NKAIN2: variants seen among roughly 807,000 people sequenced by gnomAD.
NKAIN2 encodes the protein sodium/potassium-transporting ATPase subunit beta-1-interacting protein 2.
A neutral mutation model predicts 32.6 loss-of-function variants in NKAIN2; 14 were observed. The ratio of observed to expected loss-of-function variants is 0.43; its 90% confidence interval spans 0.28 to 0.67. NKAIN2 has a LOEUF of 0.67. Ranked by LOEUF, NKAIN2 falls within the 30% of genes least tolerant of loss-of-function variation. The pLI is 0.17. For synonymous variants in NKAIN2, 80 were observed against 87.2 expected (o/e 0.92, Z 0.46); for missense variants, 198 against 258.3 (o/e 0.77, Z 1.60).
chr6:124,285,420 T>TC (rs1332712177), intron 2 of NKAIN2, among the ~76,000 whole-genome samples: 1 of 152,146 alleles, frequency 6.6e-6, no homozygotes, highest in African/African-American at 2.4e-5. Flanking sequence ...TAGGCATATT[T>TC]TCTATCTTTC....
chr6:124,091,182 A>C (rs1170366414), intron 1 of NKAIN2, among the ~76,000 whole-genome samples: 1 of 151,994 alleles, frequency 6.6e-6, no homozygotes. Context: ...AAAGCATTGT[A>C]AGATCTAAGG....
At chr6:124,043,218 A>G (rs1781957261) in intron 1 of NKAIN2, among the ~76,000 whole-genome samples, 1 of 151,964 alleles carries the variant, frequency 6.6e-6, no homozygotes, top group Admixed American at 6.6e-5. Context: ...TTAGCTAGGC[A>G]TGGTGGCGGG....
rs545336884 is a variant in NKAIN2 at position 124,779,409 on chromosome 6, A to C, written c.475-11930A>C. On this transcript the variant is annotated intron_variant, in intron 4 of 6. Coordinates refer to ENST00000368417, the MANE Select transcript of NKAIN2 (RefSeq NM_001040214.3). ...TCCTCCTGTCACTATTTAATCATGA[A>C]ATCCTAAAGCAAAATTATTTAAATG... Among the ~76,000 whole-genome samples, 5 of 152,214 alleles carry C rather than the reference A, an allele frequency of 3.3e-5. No homozygotes were observed. In the South Asian group the frequency reaches 6.2e-4, roughly 19 times the overall value.
chr6:124,237,194 T>A (rs1792818390), intron 1 of NKAIN2, among the ~76,000 whole-genome samples: 1 of 152,130 alleles, frequency 6.6e-6, no homozygotes, highest in African/African-American at 2.4e-5. Flanking sequence ...TCTAGTAGAA[T>A]CAGCAGGTGA....
chr6:124,066,856 CTGCGTTTGTGTG>C (rs1279551266), intron 1 of NKAIN2, among the ~76,000 whole-genome samples: 3 of 92,206 alleles, frequency 3.3e-5, no homozygotes, highest in Non-Finnish European at 6.4e-5. Context: ...TTTCAATTTG[CTGCGTTTGTGTG>C]TGTGTGTGTG....
At chr6:123,812,147 A>G (rs1021409572) in intron 1 of NKAIN2, among the ~76,000 whole-genome samples, 4 of 152,090 alleles carry the variant, frequency 2.6e-5, no homozygotes, top group African/African-American at 9.7e-5. Context: ...CTCAGCAAAT[A>G]TTTACAGAGT....
intron 1 of NKAIN2, among the ~76,000 whole-genome samples, chr6:123,863,102 A>C (rs768481987): frequency 6.6e-6 from 1 of 152,232 alleles, no homozygotes; most frequent in Admixed American, 6.5e-5. Flanking sequence ...TCTCTTGCCA[A>C]CTGGCCTCTG....
At chr6:124,671,933 G>T (rs952329188) in intron 4 of NKAIN2, among the ~76,000 whole-genome samples, 5 of 151,678 alleles carry the variant, frequency 3.3e-5, no homozygotes, top group Admixed American at 2.6e-4. Flanking sequence ...ACAGAATGGG[G>T]CAGTTAGCTT....
chr6:124,635,547 T>C (rs1583559577), intron 3 of NKAIN2, among the ~76,000 whole-genome samples: 1 of 152,070 alleles, frequency 6.6e-6, no homozygotes. Context: ...ATCTGCTGCC[T>C]ACAAGAAACT....
At chr6:124,036,097 G>T (rs1170606104) in intron 1 of NKAIN2, among the ~76,000 whole-genome samples, 1 of 151,976 alleles carries the variant, frequency 6.6e-6, no homozygotes. Flanking sequence ...TCTCTGTTAT[G>T]CCTCAACCCA....
chr6:124,359,809 G>A (rs571046171), intron 3 of NKAIN2, among the ~76,000 whole-genome samples: 61 of 152,246 alleles, frequency 4.0e-4, no homozygotes, highest in African/African-American at 1.2e-3. Context: ...CCAACACTAT[G>A]TTGAATAGGA....
intron 1 of NKAIN2, among the ~76,000 whole-genome samples, chr6:124,099,074 A>G (rs1784766794): frequency 6.6e-6 from 1 of 152,110 alleles, no homozygotes. Flanking sequence ...GGTCCAAATG[A>G]TATAGTCCTA....
intron 1 of NKAIN2, among the ~76,000 whole-genome samples, chr6:124,079,798 A>G (rs1050587084): frequency 6.6e-6 from 1 of 152,160 alleles, no homozygotes; most frequent in South Asian, 2.1e-4. Context: ...AGTATTAGCA[A>G]AAGCATAATT....
At chr6:124,639,257 T>C (rs931461801) in intron 3 of NKAIN2, among the ~76,000 whole-genome samples, 2 of 152,210 alleles carry the variant, frequency 1.3e-5, no homozygotes, top group African/African-American at 4.8e-5. Context: ...ATCAAAGAGA[T>C]ATCTGCACCC....
chr6:123,845,171 G>C (rs1364496738), intron 1 of NKAIN2, among the ~76,000 whole-genome samples: 1 of 152,096 alleles, frequency 6.6e-6, no homozygotes, highest in Non-Finnish European at 1.5e-5. Flanking sequence ...ACTTCTATTT[G>C]CTGGTAGCTT....
intron 1 of NKAIN2, among the ~76,000 whole-genome samples, chr6:123,910,499 G>GTGTTTTTTTT (rs1491095246): frequency 6.1e-5 from 5 of 81,320 alleles, no homozygotes; most frequent in African/African-American, 2.5e-4. Context: ...TGCAATGCAT[G>GTGTTTTTTTT]TTTTTTTTTT....
chr6:124,032,097 G>A (rs1456061722), intron 1 of NKAIN2, among the ~76,000 whole-genome samples: 1 of 151,984 alleles, frequency 6.6e-6, no homozygotes, highest in Admixed American at 6.6e-5. Flanking sequence ...AAAGGGATGA[G>A]TTCATGTCCT....
At chr6:124,295,330 T>C (rs1337568993) in intron 2 of NKAIN2, among the ~76,000 whole-genome samples, 1 of 152,166 alleles carries the variant, frequency 6.6e-6, no homozygotes, top group Non-Finnish European at 1.5e-5. Context: ...CATTCTATTT[T>C]TCTTCTTTTA....
At chr6:124,148,263 G>A (rs905884254) in intron 1 of NKAIN2, among the ~76,000 whole-genome samples, 1 of 149,870 alleles carries the variant, frequency 6.7e-6, no homozygotes, top group African/African-American at 2.5e-5. Context: ...GAAAAAATGC[G>A]AATAATAAAA....
Sources: allele counts gnomAD v4.1 joint callset (sites outside exome capture counted in the v4.1 genomes callset), GRCh38; gene constraint gnomAD v4.1.1; transcripts MANE v1.5; gene names NCBI Gene and HGNC (gene_info 2026-07-23, HGNC 2026-07-21).